Variants in RELN observed in about 807,000 individuals in gnomAD.
RELN encodes the protein reelin.
RELN carries 108 observed loss-of-function variants against 427.6 expected under a neutral mutation model. The observed-to-expected ratio is 0.25, with a 90% confidence interval of 0.22 to 0.30. The LOEUF is 0.30. Among genes scored for constraint, RELN ranks in the 10% least tolerant of loss-of-function variants. The probability of loss-of-function intolerance (pLI) is 1.00; values close to 1 mark genes in which losing one functional copy is unlikely to be tolerated. For missense variants in RELN, 3,715 were observed against 4,302.8 expected (o/e 0.86, Z 3.82); for synonymous variants, 1,524 against 1,513.4 (o/e 1.01, Z -0.16).
intron 8 of RELN, among the ~76,000 whole-genome samples, chr7:103,709,066 A>G (rs968042638): frequency 8.5e-5 from 13 of 152,194 alleles, no homozygotes; most frequent in African/African-American, 3.1e-4. Flanking sequence ...GAAGGCAATA[A>G]AGCCCTTCCG....
At chr7:103,721,280 T>C (rs1036935883) in intron 8 of RELN, among the ~76,000 whole-genome samples, 2 of 150,976 alleles carry the variant, frequency 1.3e-5, no homozygotes, top group Non-Finnish European at 3.0e-5. Flanking sequence ...CTTTCCCCAA[T>C]TCTGTTACTC....
intron 4 of RELN, among the ~76,000 whole-genome samples, chr7:103,763,174 T>C (rs1378869209): frequency 6.6e-6 from 1 of 152,212 alleles, no homozygotes; most frequent in Non-Finnish European, 1.5e-5. Flanking sequence ...AGGCTACTCC[T>C]AGTAAAGTTC....
chr7:103,955,276 T>A (rs928091633), intron 1 of RELN, among the ~76,000 whole-genome samples: 17 of 152,214 alleles, frequency 1.1e-4, no homozygotes, highest in Non-Finnish European at 2.5e-4. Context: ...TACAAAATGT[T>A]TCTCAGCTCA....
At position 103,563,177 on chromosome 7, in the gene RELN, C is replaced by T. The variant is rs1160126320; in HGVS notation, c.5211-1224G>A. Among the ~76,000 whole-genome samples the T allele has an allele frequency of 6.6e-6, 1 of 152,154 alleles. No homozygotes were observed. Among genetic ancestry groups the T allele is most frequent in the Admixed American group, 6.5e-5 (1 of 15,268 alleles). On this transcript the variant is annotated intron_variant, in intron 34 of 64. Transcript: ENST00000428762. The surrounding 1 kb of genome is among the most constrained non-coding windows in gnomAD (Gnocchi z 4.1). ...TACTTCCTCTGGTATCATCTTATAG[C>T]ATAAACAGCTGCTTAGAGGTTTGTT...
intron 28 of RELN, among the ~76,000 whole-genome samples, chr7:103,577,378 G>C (rs1474180004): frequency 6.6e-6 from 1 of 152,054 alleles, no homozygotes. Flanking sequence ...TTGTTTATTA[G>C]GTTTAAAAAT....
At chr7:103,969,135 A>T (rs1796713170) in intron 1 of RELN, among the ~76,000 whole-genome samples, 1 of 117,798 alleles carries the variant, frequency 8.5e-6, no homozygotes, top group South Asian at 2.8e-4. Flanking sequence ...CATAAAACAG[A>T]GGTTTGCATT....
intron 2 of RELN, among the ~76,000 whole-genome samples, chr7:103,872,328 C>T (rs1307412399): frequency 7.3e-6 from 1 of 137,498 alleles, no homozygotes; most frequent in Non-Finnish European, 1.6e-5. Flanking sequence ...GTTTTTTGTT[C>T]TTGCGATAGT....
rs774477346 is a variant in RELN, at chr7:103,486,432, C to G, written c.9764-16G>C. ...CAGTCATCACCTAGAGGACAAGGAG[C>G]AGTCACAGAAATTAAGTGGACCAAC... On this transcript the variant is annotated splice_polypyrimidine_tract_variant and intron_variant, in intron 60 of 64. Coordinates refer to ENST00000428762, the MANE Select transcript of RELN (RefSeq NM_005045.4). 13 of 1,599,288 alleles carry G rather than the reference C, an allele frequency of 8.1e-6. No homozygotes were observed. In the South Asian group the frequency reaches 1.4e-4, roughly 18 times the overall value.
intron 4 of RELN, among the ~76,000 whole-genome samples, chr7:103,773,122 T>TTCTTTCTTTCTTTCTTTCTC (rs1438587757): frequency 2.5e-4 from 22 of 86,640 alleles, no homozygotes; most frequent in Admixed American, 5.0e-4. Flanking sequence ...CTTTCTTTCT[T>TTCTTTCTTTCTTTCTTTCTC]TCTTTCTTTC....
At chr7:103,484,341 C>T (rs34953117) in intron 61 of RELN, 25,366 of 182,652 alleles carry the variant, frequency 0.14, 2,171 homozygotes, top group East Asian at 0.27. Flanking sequence ...GGGAGCGTAG[C>T]TACTTGTATA....
At chr7:103,504,985 G>A (rs1378761729) in intron 51 of RELN, among the ~76,000 whole-genome samples, 1 of 152,134 alleles carries the variant, frequency 6.6e-6, no homozygotes, top group Non-Finnish European at 1.5e-5. Flanking sequence ...GGTGGAGCCC[G>A]CCTCAGCTCA....
At chr7:103,480,042 G>T (rs1828176749) in intron 63 of RELN, among the ~76,000 whole-genome samples, 1 of 152,138 alleles carries the variant, frequency 6.6e-6, no homozygotes. Context: ...CATATCAGTA[G>T]CCCTGTTTGT....
chr7:103,639,047 G>C (rs1280627614), intron 17 of RELN, among the ~76,000 whole-genome samples: 1 of 152,050 alleles, frequency 6.6e-6, no homozygotes, highest in Non-Finnish European at 1.5e-5. Context: ...AAACTATCTG[G>C]CCTCATGTTA....
intron 2 of RELN, among the ~76,000 whole-genome samples, chr7:103,862,467 C>CT (rs1268285019): frequency 6.8e-6 from 1 of 147,444 alleles, no homozygotes; most frequent in East Asian, 2.0e-4. Flanking sequence ...ATCTATCTAT[C>CT]TTCTCAATCT....
intron 4 of RELN, among the ~76,000 whole-genome samples, chr7:103,760,722 T>C (rs975713541): frequency 5.9e-5 from 9 of 152,136 alleles, no homozygotes; most frequent in African/African-American, 2.2e-4. Flanking sequence ...GGACTATATC[T>C]CCTGAATCAT....
At chr7:103,510,064 C>T (rs966706236) in intron 51 of RELN, among the ~76,000 whole-genome samples, 3 of 152,130 alleles carry the variant, frequency 2.0e-5, no homozygotes, top group African/African-American at 7.2e-5. Context: ...GTGCAACCAT[C>T]GTGGAAGACA....
In RELN at chr7:103,491,848, TCTCTCTCTCACACA is replaced by T. The variant is rs1348975559; in HGVS notation, c.9443+91_9443+104del. On this transcript the variant is annotated intron_variant, in intron 58 of 64. Transcript: ENST00000428762. ...GTCTCTCTCTCTCTCTCTCTCTCTC[TCTCTCTCTCACACA>T]CACACACACACACACACACACACAC... 324 of 581,884 alleles carry T rather than the reference TCTCTCTCTCACACA, an allele frequency of 5.6e-4. 1 individual carries two copies. Among genetic ancestry groups the T allele is most frequent in the African/African-American group, 3.9e-3 (155 of 39,340 alleles). 36.0% of individuals were successfully genotyped at this position (581,884 alleles called of 1,614,324 possible).
At chr7:103,545,562 G>A (rs1467628926) in intron 41 of RELN, among the ~76,000 whole-genome samples, 1 of 152,120 alleles carries the variant, frequency 6.6e-6, no homozygotes, top group Admixed American at 6.5e-5. Context: ...GATCCTATCA[G>A]AATGTCAATG....
intron 8 of RELN, among the ~76,000 whole-genome samples, chr7:103,717,971 A>C (rs866458130): frequency 6.6e-6 from 1 of 152,268 alleles, no homozygotes; most frequent in African/African-American, 2.4e-5. Flanking sequence ...AATTAGGCTC[A>C]AGGGAAAAAT....
Sources: gnomAD v4.1 joint callset for allele counts (sites outside exome capture counted in the v4.1 genomes callset) on GRCh38, gnomAD v4.1.1 for gene constraint, Gnocchi (gnomAD v3.1) non-coding constraint, MANE v1.5 for transcripts, NCBI Gene and HGNC (gene_info 2026-07-23, HGNC 2026-07-21) for gene names.